The following KL variants were observed in gnomAD, a reference collection of about 807,000 sequenced individuals.
KL encodes the protein alpha-klotho.
A neutral mutation model predicts 84.2 loss-of-function variants in KL; 62 were observed. The ratio of observed to expected loss-of-function variants is 0.74; its 90% confidence interval spans 0.60 to 0.91. The LOEUF (loss-of-function observed/expected upper bound fraction) is 0.91, where lower values mean the gene tolerates loss of function less well. KL is among the 40% of genes least tolerant of loss of function. The pLI, the probability that KL is intolerant of heterozygous loss-of-function variation, is 0.00. For missense variants in KL, 1,261 were observed against 1,305.7 expected, an observed-to-expected ratio of 0.97 and a Z score of 0.53; for synonymous variants, 528 against 528.0, an observed-to-expected ratio of 1.00 and a Z score of 0.00.
intron 3 of KL, among the ~76,000 whole-genome samples, chr13:33,058,086 GGTTT>G: frequency 6.6e-6 from 1 of 152,176 alleles, no homozygotes; most frequent in Middle Eastern, 3.4e-3. Flanking sequence ...TCGGCTGAGA[GGTTT>G]GTTTTCCCAT....
At chr13:33,056,190 T>G (rs567514114) in intron 3 of KL, among the ~76,000 whole-genome samples, 2 of 152,242 alleles carry the variant, frequency 1.3e-5, no homozygotes, top group South Asian at 4.2e-4. Flanking sequence ...GCTGGGGGAT[T>G]GCTGCTGATA....
At chr13:33,018,194 A>G (rs1226105076) in intron 1 of KL, among the ~76,000 whole-genome samples, 1 of 152,228 alleles carries the variant, frequency 6.6e-6, no homozygotes, top group Non-Finnish European at 1.5e-5. Context: ...TTGTATCACA[A>G]TAAAATATTT....
intron 1 of KL, among the ~76,000 whole-genome samples, chr13:33,037,116 T>C (rs1314940926): frequency 4.6e-5 from 7 of 152,238 alleles, no homozygotes; most frequent in Non-Finnish European, 1.0e-4. Flanking sequence ...TCTTTTAGAT[T>C]GTGTCTTGGG....
At chr13:33,040,082 G>A (rs1258479052) in intron 1 of KL, among the ~76,000 whole-genome samples, 8 of 152,290 alleles carry the variant, frequency 5.3e-5, no homozygotes, top group Admixed American at 2.0e-4. Context: ...AACTTTTAAG[G>A]AACTGCACAC....
intron 1 of KL, among the ~76,000 whole-genome samples, chr13:33,050,190 C>T (rs1394688113): frequency 6.6e-6 from 1 of 152,120 alleles, no homozygotes; most frequent in Non-Finnish European, 1.5e-5. Context: ...GATGAATGTT[C>T]TTGGCCATAC....
chr13:33,042,977 C>G (rs578126480), intron 1 of KL, among the ~76,000 whole-genome samples: 10 of 152,104 alleles, frequency 6.6e-5, no homozygotes, highest in African/African-American at 1.7e-4. Context: ...CCACTGTGCC[C>G]GGCCAGCATC....
rs377510794 is a variant in KL, at chr13:33,025,775, C to T, written c.819+8516C>T. 1.2e-4 allele frequency among the ~76,000 whole-genome samples: 18 copies of T among 152,242 alleles called. No homozygotes were observed. The South Asian group carries it at 2.9e-3, about 25-fold the overall frequency. On this transcript the variant is annotated intron_variant, in intron 1 of 4. Coordinates refer to ENST00000380099, the MANE Select transcript of KL (RefSeq NM_004795.4). ...AACAATTTTGGCTGTCACCTTACCGCGGACTCAAATTAGTTTGCAGTCAGC... is the reference window on the plus strand; with the variant it reads ...AACAATTTTGGCTGTCACCTTACCGTGGACTCAAATTAGTTTGCAGTCAGC...
At chr13:33,043,837 G>A (rs938710115) in intron 1 of KL, among the ~76,000 whole-genome samples, 20 of 152,222 alleles carry the variant, frequency 1.3e-4, no homozygotes, top group East Asian at 9.7e-4. Flanking sequence ...AAATGTTAGC[G>A]AAATGTAAAG....
intron 1 of KL, among the ~76,000 whole-genome samples, chr13:33,040,788 TC>T (rs1871310834): frequency 6.6e-6 from 1 of 152,148 alleles, no homozygotes; most frequent in Non-Finnish European, 1.5e-5. Flanking sequence ...GTACCAGGCA[TC>T]TTCATTGAAA....
rs146798032 is a variant in KL, at chr13:33,016,858, C to T, written c.418C>T (p.Arg140Cys). Reference protein sequence around the residue: ...NNVFRDTEALRELGVTHYRFS... With the variant: ...NNVFRDTEALCELGVTHYRFS... ...CGTCTTCCGCGACACGGAGGCGCTGCGCGAGCTCGGGGTCACTCACTACCG... is the reference window on the plus strand; with the variant it reads ...CGTCTTCCGCGACACGGAGGCGCTGTGCGAGCTCGGGGTCACTCACTACCG... Residue 140 changes from arginine to cysteine, a missense_variant, in exon 1 of 5, where the codon CGC (arginine) becomes TGC (cysteine). Physicochemically the swap from Arg to Cys is radical, Grantham distance 180. Transcript: ENST00000380099. 8 of 1,612,664 alleles carry T rather than the reference C, an allele frequency of 5.0e-6. No homozygotes were observed. The highest frequency in any genetic ancestry group is 1.3e-5 in the African/African-American group (1 of 74,928).
At chr13:33,016,307 C>G (rs1024127400), upstream of KL, 1 of 151,810 alleles carries the variant, frequency 6.6e-6, no homozygotes. Flanking sequence ...GCAGTCCCGG[C>G]TCGCAGGTAA....
At chr13:33,049,501 C>T (rs1200307008) in intron 1 of KL, among the ~76,000 whole-genome samples, 1 of 152,160 alleles carries the variant, frequency 6.6e-6, no homozygotes, top group African/African-American at 2.4e-5. Context: ...ACATTTAGTC[C>T]ATGCTAGGGA....
rs779037282 is a variant in KL, at chr13:33,016,859, G to C, written c.419G>C (p.Arg140Pro). The part of the protein sequence containing the change: ...NNVFRDTEAL[R>P]ELGVTHYRFS... The stretch of plus-strand genomic sequence containing the variant: ...GTCTTCCGCGACACGGAGGCGCTGC[G>C]CGAGCTCGGGGTCACTCACTACCGC... Residue 140 changes from arginine to proline, a missense_variant, in exon 1 of 5, where the codon CGC becomes CCC. Arg to Pro is a moderately radical substitution (Grantham distance 103). Coordinates refer to ENST00000380099, the MANE Select transcript of KL (RefSeq NM_004795.4). 1 of 1,612,764 alleles carries C rather than the reference G, an allele frequency of 6.2e-7. No individual in the cohort carries two copies. Among genetic ancestry groups the C allele is most frequent in the South Asian group, 1.1e-5 (1 of 91,076 alleles).
chr13:33,064,259 C>CT lies in KL; in HGVS notation c.*74dup, dbSNP rs768791396. 1.7e-5 allele frequency: 19 copies of CT among 1,139,102 alleles called. No homozygotes were observed. The highest frequency in any genetic ancestry group is 2.4e-5 in the Non-Finnish European group (19 of 783,522). The allele number at this position is 1,139,102 out of a possible 1,614,324, so 70.6% of individuals were successfully genotyped here. A position where few individuals can be genotyped will look rare whatever the true frequency, so the allele number is the denominator to read the frequency against. ...CATCAGCTGTTAACCATTTGCACCT[C>CT]TAAGTGTTGTGAAACTGTAAATTTC... On this transcript the variant is annotated 3_prime_UTR_variant, in exon 5 of 5. Coordinates refer to ENST00000380099, the MANE Select transcript of KL (RefSeq NM_004795.4).
intron 3 of KL, among the ~76,000 whole-genome samples, chr13:33,055,662 A>G (rs1369313074): frequency 6.6e-6 from 1 of 152,146 alleles, no homozygotes; most frequent in Non-Finnish European, 1.5e-5. Context: ...CTAACACAGA[A>G]CTCCAAAGCC....
chr13:33,047,982 G>A (rs1016058996), intron 1 of KL, among the ~76,000 whole-genome samples: 1 of 151,846 alleles, frequency 6.6e-6, no homozygotes, highest in Non-Finnish European at 1.5e-5. Context: ...TTCTTCAGTT[G>A]TTGTTTCTCT....
rs568937609 is a variant in KL at position 33,064,564 on chromosome 13, G to C, written c.*378G>C. 1 of 276,066 alleles carries C rather than the reference G, an allele frequency of 3.6e-6. No homozygotes were observed. The highest frequency in any genetic ancestry group is 8.2e-5 in the South Asian group (1 of 12,176). 17.1% of individuals were successfully genotyped at this position (276,066 alleles called of 1,614,324 possible). On this transcript the variant is annotated 3_prime_UTR_variant, in exon 5 of 5. Coordinates refer to ENST00000380099, the MANE Select transcript of KL (RefSeq NM_004795.4). ...TAAATTTAATGTTTTTCTGGAAGTA[G>C]TAATTGCAAGAGTTCGAATAGAAAG...
chr13:33,062,672 CAAAAA>C (rs35287139), intron 4 of KL, among the ~76,000 whole-genome samples: 3 of 68,112 alleles, frequency 4.4e-5, no homozygotes, highest in Non-Finnish European at 7.7e-5. Context: ...GACTCCATCT[CAAAAA>C]AAAAAAAAAA....
At chr13:33,063,087 G>A (rs947844162) in intron 4 of KL, among the ~76,000 whole-genome samples, 4 of 152,010 alleles carry the variant, frequency 2.6e-5, no homozygotes, top group African/African-American at 9.7e-5. Context: ...CAGTGGAAGG[G>A]TCAGTGGTCT....
Sources: gnomAD v4.1 joint callset for allele counts (sites outside exome capture counted in the v4.1 genomes callset) on GRCh38, gnomAD v4.1.1 for gene constraint, MANE v1.5 for transcripts, NCBI Gene and HGNC (gene_info 2026-07-23, HGNC 2026-07-21) for gene names.